Variants in SGCZ observed in about 807,000 individuals in gnomAD.
The protein encoded by SGCZ is sarcoglycan zeta, also known as zeta-sarcoglycan.
Under a neutral mutation model 41.3 loss-of-function variants are expected in SGCZ, and 40 were observed. That is an observed-to-expected ratio of 0.97 (90% CI 0.75 to 1.26). The LOEUF is 1.26. SGCZ is among the 50% of genes most tolerant of loss of function. The pLI is 0.00. For synonymous variants in SGCZ, 206 were observed against 137.5 expected, an observed-to-expected ratio of 1.50 and a Z score of -3.49; for missense variants, 552 against 369.8, an observed-to-expected ratio of 1.49 and a Z score of -4.04.
At chr8:14,276,637 C>T (rs535522739) in intron 3 of SGCZ, among the ~76,000 whole-genome samples, 7 of 152,218 alleles carry the variant, frequency 4.6e-5, no homozygotes, top group South Asian at 4.2e-4. Flanking sequence ...AAATCCTGAA[C>T]TATTTCCTTA....
At chr8:14,253,915 A>G (rs1025275444) in intron 3 of SGCZ, among the ~76,000 whole-genome samples, 18 of 136,172 alleles carry the variant, frequency 1.3e-4, no homozygotes, top group African/African-American at 4.5e-4. Flanking sequence ...CATGTAAAAA[A>G]TTACAGTTTT....
At chr8:15,000,960 T>G (rs562595179) in intron 1 of SGCZ, among the ~76,000 whole-genome samples, 3 of 152,204 alleles carry the variant, frequency 2.0e-5, no homozygotes, top group African/African-American at 4.8e-5. Flanking sequence ...AATCCCAGAG[T>G]GTATACTCAA....
At chr8:14,149,087 T>C (rs1327769593) in intron 5 of SGCZ, among the ~76,000 whole-genome samples, 1 of 151,974 alleles carries the variant, frequency 6.6e-6, no homozygotes, top group Non-Finnish European at 1.5e-5. Context: ...TCATAGTGAG[T>C]GGGGAAAAAC....
At chr8:14,644,930 G>C (rs1364554768) in intron 1 of SGCZ, among the ~76,000 whole-genome samples, 1 of 129,254 alleles carries the variant, frequency 7.7e-6, no homozygotes, top group African/African-American at 2.8e-5. Flanking sequence ...AAAATATAAA[G>C]CCTTTGTGTA....
At chr8:14,103,037 C>G (rs992163574) in intron 6 of SGCZ, among the ~76,000 whole-genome samples, 1 of 152,076 alleles carries the variant, frequency 6.6e-6, no homozygotes, top group African/African-American at 2.4e-5. Context: ...CCTCTAGAAA[C>G]TGATTAAAAT....
At position 14,557,748 on chromosome 8, in the gene SGCZ, T is replaced by C. The variant is rs911026426; in HGVS notation, c.40-2822A>G. Among the ~76,000 whole-genome samples, 3 of 151,770 alleles carry C rather than the reference T, an allele frequency of 2.0e-5. No homozygotes were observed. The East Asian group carries it at 5.9e-4, about 30-fold the overall frequency. On this transcript the variant is annotated intron_variant, in intron 1 of 7. Coordinates refer to ENST00000382080, the MANE Select transcript of SGCZ (RefSeq NM_139167.4). The stretch of plus-strand genomic sequence containing the variant: ...CAAATAGAGAATCTCAGGTCACACC[T>C]CAAGGAACTAGAGAAACAAGAAAAA...
chr8:14,606,238 G>T (rs1805744755), intron 1 of SGCZ, among the ~76,000 whole-genome samples: 1 of 151,960 alleles, frequency 6.6e-6, no homozygotes, highest in Non-Finnish European at 1.5e-5. Flanking sequence ...CAGATAATTT[G>T]ATTTGCCTTT....
intron 3 of SGCZ, among the ~76,000 whole-genome samples, chr8:14,299,951 T>G (rs2116968599): frequency 6.6e-6 from 1 of 152,108 alleles, no homozygotes; most frequent in South Asian, 2.1e-4. Context: ...GTGGATGAAA[T>G]ATATTTTCCT....
chr8:15,083,322 A>C (rs1404637116), intron 1 of SGCZ, among the ~76,000 whole-genome samples: 9 of 152,220 alleles, frequency 5.9e-5, no homozygotes, highest in African/African-American at 2.2e-4. Context: ...TAAACAGATC[A>C]TCTCTCCTTA....
rs1360556271 is a variant in SGCZ at position 14,084,937 on chromosome 8, G to C, written c.*5506C>G. On this transcript the variant is annotated 3_prime_UTR_variant, in exon 8 of 8. Transcript: ENST00000382080. Reference sequence around the variant, plus strand: ...GACAAATTACAAGAATCACAGGAGAGATCTTAAATTATATGAGCTCATTGC... The same window carrying C: ...GACAAATTACAAGAATCACAGGAGACATCTTAAATTATATGAGCTCATTGC... 6.6e-6 allele frequency among the ~76,000 whole-genome samples: 1 copy of C among 151,762 alleles called. No homozygotes were observed. The highest frequency in any genetic ancestry group is 1.5e-5 in the Non-Finnish European group (1 of 67,842).
At chr8:14,717,707 A>T (rs1809737679) in intron 1 of SGCZ, among the ~76,000 whole-genome samples, 1 of 152,068 alleles carries the variant, frequency 6.6e-6, no homozygotes, top group Non-Finnish European at 1.5e-5. Flanking sequence ...TTCATTCTGC[A>T]CTGGGCCTCA....
intron 1 of SGCZ, among the ~76,000 whole-genome samples, chr8:14,645,478 T>TTATATATATATATATATTTATA (rs1046258520): frequency 2.5e-4 from 27 of 106,580 alleles, no homozygotes; most frequent in African/African-American, 8.0e-4. Context: ...ATATATATAT[T>TTATATATATATATATATTTATA]TATATGTATA....
intron 3 of SGCZ, among the ~76,000 whole-genome samples, chr8:14,285,429 C>T (rs1035404297): frequency 1.2e-4 from 18 of 152,144 alleles, no homozygotes; most frequent in African/African-American, 4.3e-4. Flanking sequence ...CTGAGCCTTT[C>T]GAACTGGATC....
At chr8:14,616,912 A>C (rs1166193948) in intron 1 of SGCZ, among the ~76,000 whole-genome samples, 1 of 152,128 alleles carries the variant, frequency 6.6e-6, no homozygotes, top group Non-Finnish European at 1.5e-5. Context: ...TTACAGCAAA[A>C]TTACCTTTAG....
chr8:14,335,176 C>A (rs1265720469), intron 2 of SGCZ, among the ~76,000 whole-genome samples: 1 of 152,050 alleles, frequency 6.6e-6, no homozygotes, highest in Non-Finnish European at 1.5e-5. Context: ...TTAGGATGTG[C>A]TTTATTGAGT....
At chr8:14,503,793 C>G (rs1802226381) in intron 2 of SGCZ, among the ~76,000 whole-genome samples, 1 of 151,976 alleles carries the variant, frequency 6.6e-6, no homozygotes, top group Admixed American at 6.6e-5. Flanking sequence ...TAAAATAACT[C>G]AACAGAATAA....
chr8:14,901,343 C>T (rs1046789703), intron 1 of SGCZ, among the ~76,000 whole-genome samples: 1 of 152,122 alleles, frequency 6.6e-6, no homozygotes, highest in Non-Finnish European at 1.5e-5. Context: ...GGGAGTAGCT[C>T]CCAAACACAT....
chr8:14,852,262 A>G (rs1460646508), intron 1 of SGCZ, among the ~76,000 whole-genome samples: 2 of 152,210 alleles, frequency 1.3e-5, no homozygotes, highest in East Asian at 3.8e-4. Context: ...CTTATGTTCA[A>G]GTCCAAGAAC....
chr8:15,160,761 G>T lies in SGCZ; in HGVS notation c.39+76824C>A, dbSNP rs546360182. Among the ~76,000 whole-genome samples, 49 of 152,282 alleles carry T rather than the reference G, an allele frequency of 3.2e-4. No individual in the cohort carries two copies. The South Asian group carries it at 9.8e-3, about 30-fold the overall frequency. On this transcript the variant is annotated intron_variant, in intron 1 of 7. Transcript: ENST00000382080. ...TGAATCTGACTTCAATTGGTGCTCTGCTCTTGTCAGTTGAGGGCCACTGCA... is the reference window on the plus strand; with the variant it reads ...TGAATCTGACTTCAATTGGTGCTCTTCTCTTGTCAGTTGAGGGCCACTGCA...
Sources: allele counts gnomAD v4.1 joint callset (sites outside exome capture counted in the v4.1 genomes callset), GRCh38; gene constraint gnomAD v4.1.1; transcripts MANE v1.5; gene names NCBI Gene and HGNC (gene_info 2026-07-23, HGNC 2026-07-21).